LRRC7: variants seen among roughly 807,000 people sequenced by gnomAD.
LRRC7 encodes the protein leucine-rich repeat-containing protein 7.
Under a neutral mutation model 175.7 loss-of-function variants are expected in LRRC7, and 23 were observed. The ratio of observed to expected loss-of-function variants is 0.13; its 90% CI spans 0.09 to 0.19. The LOEUF is 0.19. Ranked by LOEUF, LRRC7 falls within the 10% of genes least tolerant of loss-of-function variation. The probability of loss-of-function intolerance (pLI) is 1.00; values close to 1 mark genes in which losing one functional copy is unlikely to be tolerated. For missense variants in LRRC7, 1,354 were observed against 1,904.7 expected (o/e 0.71, Z 5.38); for synonymous variants, 685 against 680.9 (o/e 1.01, Z -0.09).
At position 69,807,768 on chromosome 1, in the gene LRRC7, A is replaced by G. The variant is rs180946178; in HGVS notation, c.421+15608A>G. Reference sequence around the variant, plus strand: ...TTCAACCTTGGTGGTTCAGACAATTATGTGTCTTGGGGTTGCTCTTCTCGA... The same window carrying G: ...TTCAACCTTGGTGGTTCAGACAATTGTGTGTCTTGGGGTTGCTCTTCTCGA... On this transcript the variant is annotated intron_variant, in intron 4 of 26. Transcript: ENST00000651989. Among the ~76,000 whole-genome samples, 78 of 151,974 alleles carry G rather than the reference A, an allele frequency of 5.1e-4. 1 individual carries two copies. The South Asian group carries it at 9.8e-3, about 19-fold the overall frequency.
chr1:70,130,955 T>C lies in LRRC7; in HGVS notation c.*9068T>C, dbSNP rs1666640307. Among the ~76,000 whole-genome samples, 1 of 152,198 alleles carries C rather than the reference T, an allele frequency of 6.6e-6. No homozygotes were observed. Among genetic ancestry groups the C allele is most frequent in the Non-Finnish European group, 1.5e-5 (1 of 68,022 alleles). On this transcript the variant is annotated 3_prime_UTR_variant, in exon 27 of 27. Transcript: ENST00000651989. ...TCTGTCTACAGGCTGTTGGCCACAG[T>C]TGAGCATGACAATGTTTACACACTG...
chr1:69,948,147 A>G (rs928624347), intron 8 of LRRC7, among the ~76,000 whole-genome samples: 2 of 151,346 alleles, frequency 1.3e-5, no homozygotes, highest in African/African-American at 4.8e-5. Context: ...TTTAAAACTT[A>G]TAAATAGTTT....
At chr1:69,857,545 G>C (rs528504332) in intron 7 of LRRC7, among the ~76,000 whole-genome samples, 1 of 151,904 alleles carries the variant, frequency 6.6e-6, no homozygotes, top group Admixed American at 6.6e-5. Context: ...TAGGAATCCA[G>C]CTTACAAGGG....
intron 7 of LRRC7, among the ~76,000 whole-genome samples, chr1:69,878,737 T>C (rs1686273364): frequency 6.6e-6 from 1 of 151,630 alleles, no homozygotes; most frequent in African/African-American, 2.4e-5. Flanking sequence ...GCTAATGGGA[T>C]AAACAGACTT....
chr1:69,666,392 G>C (rs1256635855), intron 1 of LRRC7, among the ~76,000 whole-genome samples: 1 of 151,918 alleles, frequency 6.6e-6, no homozygotes, highest in Non-Finnish European at 1.5e-5. Context: ...GAGTAGAATT[G>C]GTATTATTTC....
Position 69,797,698 on chromosome 1 carries a change from C to A in LRRC7, c.421+5538C>A, listed in dbSNP as rs76914075. 8.8e-3 allele frequency among the ~76,000 whole-genome samples: 1,340 copies of A among 152,202 alleles called. 16 individuals are homozygous for A. The highest frequency in any genetic ancestry group is 0.03 in the African/African-American group (1,253 of 41,530). On this transcript the variant is annotated intron_variant, in intron 4 of 26. Transcript: ENST00000651989. ...TAACTGGTCTCATCTCCATTATTGC[C>A]ACCACAATTACCAAACCCATTCTCC...
intron 2 of LRRC7, among the ~76,000 whole-genome samples, chr1:69,697,765 T>C (rs1662798557): frequency 6.6e-6 from 1 of 152,170 alleles, no homozygotes; most frequent in Non-Finnish European, 1.5e-5. Context: ...GTTATTTGAG[T>C]CACCAAAATC....
At chr1:69,998,750 A>C (rs1273622900) in intron 11 of LRRC7, among the ~76,000 whole-genome samples, 3 of 152,334 alleles carry the variant, frequency 2.0e-5, no homozygotes, top group Non-Finnish European at 2.9e-5. Flanking sequence ...AGACAAGGAA[A>C]GGTAGCTTTT....
At chr1:69,569,356 G>A (rs545127415) in intron 1 of LRRC7, among the ~76,000 whole-genome samples, 29 of 152,150 alleles carry the variant, frequency 1.9e-4, no homozygotes, top group Admixed American at 9.8e-4. Flanking sequence ...TCTCCTTTGT[G>A]TGGCACGAGA....
At chr1:69,668,338 C>T (rs921705492) in intron 1 of LRRC7, among the ~76,000 whole-genome samples, 3 of 151,770 alleles carry the variant, frequency 2.0e-5, no homozygotes, top group Non-Finnish European at 4.4e-5. Flanking sequence ...ATGTTCCCCT[C>T]CCTGTGTCCA....
intron 1 of LRRC7, among the ~76,000 whole-genome samples, chr1:69,661,091 C>T (rs999704263): frequency 6.6e-6 from 1 of 151,880 alleles, no homozygotes; most frequent in Non-Finnish European, 1.5e-5. Context: ...ATGCCAGGTT[C>T]AGAGTTTAAA....
intron 13 of LRRC7, among the ~76,000 whole-genome samples, chr1:70,015,404 T>C (rs1267856414): frequency 1.3e-5 from 2 of 152,122 alleles, no homozygotes; most frequent in African/African-American, 2.4e-5. Context: ...GATTGCCCAC[T>C]TCCATTATCA....
intron 2 of LRRC7, among the ~76,000 whole-genome samples, chr1:69,681,463 C>A (rs1225205111): frequency 2.6e-5 from 4 of 151,976 alleles, no homozygotes; most frequent in African/African-American, 7.3e-5. Context: ...TTCTCTATAC[C>A]ACTTTACAAT....
intron 1 of LRRC7, among the ~76,000 whole-genome samples, chr1:69,606,173 C>A (rs1647534006): frequency 6.6e-6 from 1 of 152,088 alleles, no homozygotes; most frequent in African/African-American, 2.4e-5. Context: ...AAATAAGGAG[C>A]TCTTCAGAAA....
At chr1:70,007,125 G>T (rs551600545) in intron 11 of LRRC7, among the ~76,000 whole-genome samples, 1 of 152,268 alleles carries the variant, frequency 6.6e-6, no homozygotes, top group East Asian at 1.9e-4. Context: ...CAGAGGTCAG[G>T]GGGTGAGACC....
At position 69,996,566 on chromosome 1, in the gene LRRC7, G is replaced by A. The variant is rs1183624557; in HGVS notation, c.1004+1933G>A. ...TTAAGTCTTTAATCCATCTTGAATTGATTTTTGTATAAGGTGTAAGGAAGG... is the reference window on the plus strand; with the variant it reads ...TTAAGTCTTTAATCCATCTTGAATTAATTTTTGTATAAGGTGTAAGGAAGG... On this transcript the variant is annotated intron_variant, in intron 11 of 26. Coordinates refer to ENST00000651989, the MANE Select transcript of LRRC7 (RefSeq NM_001370785.2). Among the ~76,000 whole-genome samples, 9 of 151,198 alleles carry A rather than the reference G, an allele frequency of 6.0e-5. No homozygotes were observed. In the South Asian group the frequency reaches 1.7e-3, roughly 28 times the overall value.
At chr1:69,698,076 G>A (rs1010160361) in intron 2 of LRRC7, among the ~76,000 whole-genome samples, 1 of 152,208 alleles carries the variant, frequency 6.6e-6, no homozygotes, top group East Asian at 1.9e-4. Flanking sequence ...GAAGTTTAGG[G>A]AAAGTGCCTC....
rs144607423 is a variant in LRRC7 at position 70,130,752 on chromosome 1, C to T, written c.*8865C>T. ...AGTCATGCACATTGTCACTAGATTA[C>T]GTTACCTAAGCAATTTTTACAATTT... On this transcript the variant is annotated 3_prime_UTR_variant, in exon 27 of 27. Transcript: ENST00000651989. Among the ~76,000 whole-genome samples the T allele has an allele frequency of 1.2e-3, 175 of 152,168 alleles. 2 individuals carry two copies. The East Asian group carries it at 0.017, about 14-fold the overall frequency.
At chr1:69,879,678 G>A (rs1686403266) in intron 7 of LRRC7, 1 of 152,394 alleles carries the variant, frequency 6.6e-6, no homozygotes, top group East Asian at 1.9e-4. Context: ...CTAGGCTGTA[G>A]TGTATTATGC....
Sources: allele counts gnomAD v4.1 joint callset (sites outside exome capture counted in the v4.1 genomes callset), GRCh38; gene constraint gnomAD v4.1.1; transcripts MANE v1.5; gene names NCBI Gene and HGNC (gene_info 2026-07-23, HGNC 2026-07-21).